ZSCAN30: variants seen among roughly 807,000 people sequenced by gnomAD.
ZSCAN30 encodes the protein zinc finger and SCAN domain containing 30.
ZSCAN30 carries 37 observed loss-of-function variants against 44.3 expected under a neutral mutation model. The observed-to-expected ratio is 0.84, with a 90% CI of 0.64 to 1.10. The LOEUF is 1.10. ZSCAN30 is among the 50% of genes least tolerant of loss of function. The pLI is 0.00. For missense variants in ZSCAN30, 549 were observed against 582.6 expected, an observed-to-expected ratio of 0.94 and a Z score of 0.59; for synonymous variants, 181 against 204.6, an observed-to-expected ratio of 0.88 and a Z score of 0.98.
At chr18:35,286,605 GA>G (rs1274761698) in intron 1 of ZSCAN30, among the ~76,000 whole-genome samples, 1 of 151,216 alleles carries the variant, frequency 6.6e-6, no homozygotes, top group Non-Finnish European at 1.5e-5. Context: ...ACTAGAATTA[GA>G]AAAAAACTTC....
chr18:35,263,257 G>T, intron 3 of ZSCAN30: 3 of 404,194 alleles, frequency 7.4e-6, no homozygotes, highest in Non-Finnish European at 8.7e-6. Context: ...AAAAAAAAAA[G>T]AAAAAAGAAA....
At chr18:35,254,634 G>T (rs1029358803) in intron 3 of ZSCAN30, 9 of 593,288 alleles carry the variant, frequency 1.5e-5, no homozygotes, top group Non-Finnish European at 2.9e-6. Context: ...ACATTAGTTA[G>T]AGGGAATGGT....
intron 1 of ZSCAN30, among the ~76,000 whole-genome samples, chr18:35,276,310 A>G (rs1249101133): frequency 1.3e-5 from 2 of 151,198 alleles, no homozygotes; most frequent in African/African-American, 2.4e-5. Context: ...TTTTTTTTAA[A>G]TTACTAACTC....
chr18:35,265,799 G>A (rs992256986), intron 1 of ZSCAN30, among the ~76,000 whole-genome samples: 5 of 152,156 alleles, frequency 3.3e-5, no homozygotes, highest in African/African-American at 1.2e-4. Flanking sequence ...TTATGGGAAA[G>A]CAACACGTAA....
At chr18:35,255,103 CAAAG>C (rs962475942) in intron 3 of ZSCAN30, 10 of 151,712 alleles carry the variant, frequency 6.6e-5, no homozygotes, top group African/African-American at 9.7e-5. Context: ...GTATAAGTAT[CAAAG>C]AAGGGGATGG....
Position 35,253,927 on chromosome 18 carries a change from T to C in ZSCAN30, c.1008A>G (p.Lys336=), listed in dbSNP as rs751888080. 7.4e-6 allele frequency: 12 copies of C among 1,614,130 alleles called. 1 individual carries two copies. The East Asian group carries it at 2.7e-4, about 36-fold the overall frequency. ...CAAGGTCTGAGCTCAAACTGAAGGC[T>C]TTGCCACATTCTTTACATGCATAAG... ...ERPYACKECG[K]AFSLSSDLVR... is the part of the protein sequence containing the mutation. Residue 336 remains lysine (K), a synonymous_variant, in exon 4 of 4, where the codon AAA becomes AAG. Coordinates refer to ENST00000333206, the MANE Select transcript of ZSCAN30 (RefSeq NM_001112734.4).
chr18:35,271,171 G>C (rs549791843), intron 1 of ZSCAN30, among the ~76,000 whole-genome samples: 2 of 152,318 alleles, frequency 1.3e-5, no homozygotes, highest in African/African-American at 4.8e-5. Flanking sequence ...GACCCCACCA[G>C]GTTCCTGCTG....
At chr18:35,269,552 C>G (rs1021642473) in intron 1 of ZSCAN30, 1 of 152,026 alleles carries the variant, frequency 6.6e-6, no homozygotes, top group Non-Finnish European at 1.5e-5. Context: ...CCTTTTATCC[C>G]TACCAAATGT....
intron 1 of ZSCAN30, among the ~76,000 whole-genome samples, chr18:35,285,766 C>CA (rs2044538952): frequency 6.6e-6 from 1 of 150,624 alleles, no homozygotes; most frequent in South Asian, 2.1e-4. Flanking sequence ...AGAAATATTA[C>CA]AAATCAGAGG....
chr18:35,288,760 G>GT (rs1346686095), intron 1 of ZSCAN30, among the ~76,000 whole-genome samples: 1 of 152,168 alleles, frequency 6.6e-6, no homozygotes, highest in African/African-American at 2.4e-5. Context: ...CTAATCTCTA[G>GT]TAACAGCTGA....
intron 1 of ZSCAN30, chr18:35,268,573 AGT>A (rs1284912827): frequency 6.6e-6 from 1 of 152,194 alleles, no homozygotes; most frequent in Non-Finnish European, 1.5e-5. Flanking sequence ...TAAAAACAAC[AGT>A]GTTTCAGGAG....
intron 1 of ZSCAN30, chr18:35,267,254 G>A (rs1039844680): frequency 2.7e-5 from 4 of 149,406 alleles, no homozygotes; most frequent in African/African-American, 7.4e-5. Context: ...GACACGCTGG[G>A]TAAGCGCCTG....
At chr18:35,285,970 T>C (rs2044542463) in intron 1 of ZSCAN30, among the ~76,000 whole-genome samples, 1 of 151,938 alleles carries the variant, frequency 6.6e-6, no homozygotes, top group South Asian at 2.1e-4. Context: ...CAAGGGGAAA[T>C]GGGAGAAGAT....
chr18:35,265,077 G>C (rs2044118825), intron 1 of ZSCAN30, among the ~76,000 whole-genome samples: 1 of 151,830 alleles, frequency 6.6e-6, no homozygotes, highest in African/African-American at 2.4e-5. Flanking sequence ...ACCCGGGAGG[G>C]GGAGCTTGCA....
At position 35,253,086 on chromosome 18, in the gene ZSCAN30, A is replaced by T. The variant is rs1397498310; in HGVS notation, c.*364T>A. On this transcript the variant is annotated 3_prime_UTR_variant, in exon 4 of 4. Coordinates refer to ENST00000333206, the MANE Select transcript of ZSCAN30 (RefSeq NM_001112734.4). ...TCTTGCCAGGCACATTTGCCATCTT[A>T]TAAGAAGCTCTTTCAGGATCTCTGC... 5.6e-6 allele frequency: 1 copy of T among 178,588 alleles called. No homozygotes were observed. The highest frequency in any genetic ancestry group is 2.4e-5 in the African/African-American group (1 of 42,346). 11.1% of individuals were successfully genotyped at this position (178,588 alleles called of 1,614,324 possible).
intron 3 of ZSCAN30, among the ~76,000 whole-genome samples, chr18:35,255,236 C>T (rs1249578772): frequency 1.3e-5 from 2 of 151,132 alleles, no homozygotes; most frequent in Non-Finnish European, 3.0e-5. Flanking sequence ...TACTGGAAAT[C>T]TCTCTAGATA....
Position 35,252,751 on chromosome 18 carries a change from G to A in ZSCAN30, c.*699C>T, listed in dbSNP as rs1391060586. The stretch of plus-strand genomic sequence containing the variant: ...CTTACCACACTTTACTGTAATTACT[G>A]TTTAGTATATATGCATATCCTATTA... On this transcript the variant is annotated 3_prime_UTR_variant, in exon 4 of 4. Transcript: ENST00000333206. 2 of 152,154 alleles carry A rather than the reference G, an allele frequency of 1.3e-5. No individual in the cohort carries two copies. Among genetic ancestry groups the A allele is most frequent in the East Asian group, 1.9e-4 (1 of 5,194 alleles). 9.4% of individuals were successfully genotyped at this position (152,154 alleles called of 1,614,324 possible). A position where few individuals can be genotyped will look rare whatever the true frequency, so the allele number is the denominator to read the frequency against.
chr18:35,258,887 A>T (rs1165807985), intron 3 of ZSCAN30: 1 of 152,104 alleles, frequency 6.6e-6, no homozygotes. Flanking sequence ...AAAAAAAAAA[A>T]AAAAAAAAAA....
chr18:35,263,783 C>T, intron 2 of ZSCAN30, 126 bp from the exon 3 acceptor site: 1 of 1,375,470 alleles, frequency 7.3e-7, no homozygotes, highest in Non-Finnish European at 9.9e-7. Context: ...AAAAACAGGA[C>T]CTTAAGAGCC....
Sources: gnomAD v4.1 joint callset for allele counts (sites outside exome capture counted in the v4.1 genomes callset) on GRCh38, gnomAD v4.1.1 for gene constraint, MANE v1.5 for transcripts, NCBI Gene and HGNC (gene_info 2026-07-23, HGNC 2026-07-21) for gene names.